The following RPTOR variants were observed in gnomAD, a reference collection of about 807,000 sequenced individuals.
RPTOR encodes regulatory-associated protein of mTOR.
A neutral mutation model predicts 169.9 loss-of-function variants in RPTOR; 21 were observed. That is an observed-to-expected ratio of 0.12 (90% CI 0.09 to 0.18). The LOEUF (loss-of-function observed/expected upper bound fraction) is 0.18. RPTOR is among the 10% of genes least tolerant of loss of function. The pLI is 1.00. For synonymous variants in RPTOR, 732 were observed against 753.2 expected (o/e 0.97, Z 0.46); for missense variants, 1,133 against 1,855.9 (o/e 0.61, Z 7.16).
intron 3 of RPTOR, among the ~76,000 whole-genome samples, chr17:80,674,588 C>A (rs746977153): frequency 6.6e-6 from 1 of 152,120 alleles, no homozygotes; most frequent in South Asian, 2.1e-4. Context: ...CTCGCCACCA[C>A]GCCCAGAAGA....
At chr17:80,900,235 C>G (rs1298245696) in intron 20 of RPTOR, among the ~76,000 whole-genome samples, 2 of 152,158 alleles carry the variant, frequency 1.3e-5, no homozygotes, top group East Asian at 1.9e-4. Flanking sequence ...TCGCAGCCAC[C>G]TGAGCCAGCA....
chr17:80,688,299 G>A (rs1345517796), intron 3 of RPTOR, among the ~76,000 whole-genome samples: 2 of 152,126 alleles, frequency 1.3e-5, no homozygotes, highest in African/African-American at 2.4e-5. Context: ...TTTTATAGCC[G>A]AAGAAACGGA....
intron 3 of RPTOR, among the ~76,000 whole-genome samples, chr17:80,697,731 G>A (rs373947349): frequency 4.6e-5 from 7 of 152,330 alleles, no homozygotes; most frequent in African/African-American, 1.7e-4. Context: ...GCTCGCAGGT[G>A]GTGCTGGGCA....
chr17:80,602,869 C>T, intron 1 of RPTOR: 1 of 502,538 alleles, frequency 2.0e-6, no homozygotes, highest in Non-Finnish European at 3.7e-6. Context: ...CGGGTCACCA[C>T]CTCGCTGATT....
At chr17:80,824,523 G>A (rs2067417526) in intron 9 of RPTOR, among the ~76,000 whole-genome samples, 1 of 152,044 alleles carries the variant, frequency 6.6e-6, no homozygotes, top group African/African-American at 2.4e-5. Flanking sequence ...ATTCCTTTAA[G>A]AAAAGTAAGG....
rs190294993 is a variant in RPTOR at position 80,562,936 on chromosome 17, G to A, written c.162+17145G>A. ...TAGTTTTCAGCTAGGTGTGACCGTC[G>A]CCTGCCTTGCTGCCGATGTCCTGAA... is the stretch of plus-strand genomic sequence containing the variant. On this transcript the variant is annotated intron_variant, in intron 1 of 33. Coordinates refer to ENST00000306801, the MANE Select transcript of RPTOR (RefSeq NM_020761.3). This position sits in a 1 kb window ranked among gnomAD's most constrained non-coding sequence, Gnocchi z 4.4. 4.6e-5 allele frequency among the ~76,000 whole-genome samples: 7 copies of A among 152,320 alleles called. No individual in the cohort carries two copies. The highest frequency in any genetic ancestry group is 7.2e-5 in the African/African-American group (3 of 41,578).
At chr17:80,729,948 C>T (rs959942701) in intron 4 of RPTOR, among the ~76,000 whole-genome samples, 49 of 152,300 alleles carry the variant, frequency 3.2e-4, no homozygotes, top group African/African-American at 1.1e-3. Flanking sequence ...AGGGAGGTCC[C>T]GCAGTGAAAA....
intron 29 of RPTOR, among the ~76,000 whole-genome samples, chr17:80,958,197 A>AACCCCC (rs2069279220): frequency 3.2e-5 from 1 of 31,344 alleles, no homozygotes; most frequent in Non-Finnish European, 6.9e-5. Context: ...CTCCCACCTC[A>AACCCCC]CCCCCCCCCC....
chr17:80,607,000 G>A (rs1332964767), intron 1 of RPTOR, among the ~76,000 whole-genome samples: 2 of 152,192 alleles, frequency 1.3e-5, no homozygotes, highest in East Asian at 1.9e-4. Flanking sequence ...ACAGTAGGTC[G>A]TATTACAGAT....
At chr17:80,905,755 A>G (rs928532296) in intron 20 of RPTOR, among the ~76,000 whole-genome samples, 4 of 152,122 alleles carry the variant, frequency 2.6e-5, no homozygotes, top group Admixed American at 1.3e-4. Context: ...ATTGTGGGTG[A>G]GGCTTGAGCA....
At chr17:80,942,765 C>T (rs972329594) in intron 25 of RPTOR, among the ~76,000 whole-genome samples, 21 of 152,258 alleles carry the variant, frequency 1.4e-4, no homozygotes, top group African/African-American at 5.1e-4. Flanking sequence ...AGCCCTGTGT[C>T]ACGCAGGCCC....
At chr17:80,934,754 C>T (rs1250748807) in intron 24 of RPTOR, among the ~76,000 whole-genome samples, 2 of 152,214 alleles carry the variant, frequency 1.3e-5, no homozygotes, top group African/African-American at 4.8e-5. Flanking sequence ...AATAATACCA[C>T]TTCTGCACAA....
rs1233845105 is a variant in RPTOR at position 80,945,577 on chromosome 17, G to A, written c.3026-90G>A. The A allele has an allele frequency of 1.5e-5, 12 of 778,834 alleles. 1 individual carries two copies. The African/African-American group carries it at 1.8e-4, about 12-fold the overall frequency. 48.2% of individuals were successfully genotyped at this position (778,834 alleles called of 1,614,324 possible). On this transcript the variant is annotated intron_variant, in intron 25 of 33. Transcript: ENST00000306801. ...ACTGCACTCCAGCCTGGGCGACAGA[G>A]CGAGACTCCGTCTCAAAAAAAATAA...
chr17:80,691,476 G>A (rs536694987), intron 3 of RPTOR, among the ~76,000 whole-genome samples: 22 of 150,784 alleles, frequency 1.5e-4, no homozygotes, highest in Middle Eastern at 3.5e-3. Context: ...CAGTGTGTGC[G>A]CATAGGTGTG....
At position 80,743,257 on chromosome 17, in the gene RPTOR, C is replaced by T. The variant is rs1053303106; in HGVS notation, c.655-10753C>T. On this transcript the variant is annotated intron_variant, in intron 5 of 33. Coordinates refer to ENST00000306801, the MANE Select transcript of RPTOR (RefSeq NM_020761.3). Reference sequence around the variant, plus strand: ...ATTAGAGAAGTAAGCAGAAACACAGCAGCTGATGATGAACAAAATGTTTCC... The same window carrying T: ...ATTAGAGAAGTAAGCAGAAACACAGTAGCTGATGATGAACAAAATGTTTCC... 1.4e-5 allele frequency: 14 copies of T among 985,336 alleles called. No homozygotes were observed. In the African/African-American group the frequency reaches 2.1e-4, roughly 15 times the overall value. The allele number at this position is 985,336 out of a possible 1,614,324, so 61.0% of individuals were successfully genotyped here.
chr17:80,935,112 A>T (rs1413205749), intron 24 of RPTOR, among the ~76,000 whole-genome samples: 4 of 152,236 alleles, frequency 2.6e-5, no homozygotes, highest in Non-Finnish European at 5.9e-5. Context: ...CATTCAAAAT[A>T]GCACCAAAAT....
chr17:80,794,868 C>A (rs1259137537), intron 7 of RPTOR, among the ~76,000 whole-genome samples: 1 of 152,136 alleles, frequency 6.6e-6, no homozygotes, highest in Non-Finnish European at 1.5e-5. Context: ...GAACATGGGG[C>A]CAGAGAACAG....
chr17:80,853,374 G>A (rs940285013), intron 11 of RPTOR, among the ~76,000 whole-genome samples: 1 of 152,124 alleles, frequency 6.6e-6, no homozygotes, highest in Non-Finnish European at 1.5e-5. Flanking sequence ...TCTTCTCCTG[G>A]GGGGAGGGAA....
chr17:80,657,704 G>A (rs2065690577), intron 3 of RPTOR, among the ~76,000 whole-genome samples: 1 of 152,140 alleles, frequency 6.6e-6, no homozygotes, highest in South Asian at 2.1e-4. Flanking sequence ...ATTCCCAGGG[G>A]AGGGCTGACT....
Sources: gnomAD v4.1 joint callset for allele counts (sites outside exome capture counted in the v4.1 genomes callset) on GRCh38, gnomAD v4.1.1 for gene constraint, Gnocchi (gnomAD v3.1) non-coding constraint, MANE v1.5 for transcripts, NCBI Gene and HGNC (gene_info 2026-07-23, HGNC 2026-07-21) for gene names.